INPP5A: variants seen among roughly 807,000 people sequenced by gnomAD.
INPP5A encodes the protein 43 kDa inositol polyphosphate 5-phophatase.
A neutral mutation model predicts 65.2 loss-of-function variants in INPP5A; 14 were observed. The ratio of observed to expected loss-of-function variants is 0.21; its 90% CI spans 0.14 to 0.34. The LOEUF is 0.34. Ranked by LOEUF, INPP5A falls within the 10% of genes least tolerant of loss-of-function variation. The pLI is 1.00. For synonymous variants in INPP5A, 207 were observed against 208.3 expected (o/e 0.99, Z 0.05); for missense variants, 431 against 545.6 (o/e 0.79, Z 2.09).
chr10:132,657,460 GC>G (rs1306056169), intron 4 of INPP5A, among the ~76,000 whole-genome samples: 1 of 152,220 alleles, frequency 6.6e-6, no homozygotes, highest in East Asian at 1.9e-4. Context: ...CTTTGCAAGT[GC>G]TGTGCACGGC....
Position 132,650,398 on chromosome 10 carries a change from A to G in INPP5A, c.219-20A>G, listed in dbSNP as rs777994127. The G allele has an allele frequency of 8.2e-6, 13 of 1,589,998 alleles. No homozygotes were observed. The South Asian group carries it at 1.3e-4, about 16-fold the overall frequency. ...GCGTCTGTGTGGCTTTTCCTCAGGAACCTACTTTCTTCCTTCCAGAGAACT... is the reference window on the plus strand; with the variant it reads ...GCGTCTGTGTGGCTTTTCCTCAGGAGCCTACTTTCTTCCTTCCAGAGAACT... On this transcript the variant is annotated intron_variant, in intron 3 of 15. Transcript: ENST00000368594. This position sits in a 1 kb window ranked among gnomAD's most constrained non-coding sequence, Gnocchi z 5.5.
chr10:132,687,545 C>T (rs138705359), intron 4 of INPP5A, among the ~76,000 whole-genome samples: 1 of 152,344 alleles, frequency 6.6e-6, no homozygotes, highest in Non-Finnish European at 1.5e-5. Context: ...GACCCACCTG[C>T]GAGAGAAGAG....
chr10:132,778,933 C>T (rs1420114848), intron 13 of INPP5A, among the ~76,000 whole-genome samples: 1 of 152,258 alleles, frequency 6.6e-6, no homozygotes, highest in Non-Finnish European at 1.5e-5. Flanking sequence ...CTGCTGGCCT[C>T]TGCCATGTGG....
rs949355200 is a variant in INPP5A, at chr10:132,659,560, A to C, written c.306+9055A>C. Among the ~76,000 whole-genome samples the C allele has an allele frequency of 6.6e-6, 1 of 152,214 alleles. No homozygotes were observed. Among genetic ancestry groups the C allele is most frequent in the Non-Finnish European group, 1.5e-5 (1 of 68,034 alleles). On this transcript the variant is annotated intron_variant, in intron 4 of 15. Coordinates refer to ENST00000368594, the MANE Select transcript of INPP5A (RefSeq NM_005539.5). This position sits in a 1 kb window ranked among gnomAD's most constrained non-coding sequence, Gnocchi z 5.5. ...CAGCGAGCAGCTCCCATGGCAGTCC[A>C]TTCATTCAACATGCCCTGGTCCAGC...
rs529006861 is a variant in INPP5A at position 132,651,133 on chromosome 10, G to A, written c.306+628G>A. Among the ~76,000 whole-genome samples, 86 of 152,288 alleles carry A rather than the reference G, an allele frequency of 5.6e-4. No homozygotes were observed. The highest frequency in any genetic ancestry group is 1.7e-3 in the South Asian group (8 of 4,828). On this transcript the variant is annotated intron_variant, in intron 4 of 15. Transcript: ENST00000368594. This position sits in a 1 kb window ranked among gnomAD's most constrained non-coding sequence, Gnocchi z 5.0. ...CCAGGTGTCTGGGAAGGGGCAGGAA[G>A]CTCCTCAGAGGAGGGGACACTCTGC...
chr10:132,591,571 A>G (rs1212442701), intron 1 of INPP5A, among the ~76,000 whole-genome samples: 2 of 152,192 alleles, frequency 1.3e-5, no homozygotes, highest in African/African-American at 2.4e-5. Context: ...TTGTGAGGTT[A>G]CCTTTTTCCT....
chr10:132,717,877 C>T (rs1212816113), intron 8 of INPP5A, among the ~76,000 whole-genome samples: 11 of 136,944 alleles, frequency 8.0e-5, no homozygotes, highest in African/African-American at 2.4e-4. Flanking sequence ...TCTGTCTGGG[C>T]GCCTTAGACG....
Position 132,645,882 on chromosome 10 carries a change from C to G in INPP5A, c.132C>G (p.His44Gln), listed in dbSNP as rs1405666576. 6.2e-7 allele frequency: 1 copy of G among 1,613,686 alleles called. No individual in the cohort carries two copies. The highest frequency in any genetic ancestry group is 2.2e-5 in the East Asian group (1 of 44,874). Residue 44 changes from histidine to glutamine, a missense_variant, in exon 3 of 16, where the codon CAC (histidine) becomes CAG (glutamine). His to Gln is a conservative substitution (Grantham distance 24). Coordinates refer to ENST00000368594, the MANE Select transcript of INPP5A (RefSeq NM_005539.5). Reference protein sequence around the residue: ...LREFYQVVHTHKPHFMALHCQ... With the variant: ...LREFYQVVHTQKPHFMALHCQ... Reference sequence around the variant, plus strand: ...TCTCCCTCCAGGTCGTGCACACACACAAGCCGCACTTCATGGCCTTGCACT... The same window carrying G: ...TCTCCCTCCAGGTCGTGCACACACAGAAGCCGCACTTCATGGCCTTGCACT...
rs1845362626 is a variant in INPP5A at position 132,697,462 on chromosome 10, A to G, written c.371-354A>G. On this transcript the variant is annotated intron_variant, in intron 5 of 15. Transcript: ENST00000368594. The surrounding 1 kb of genome is among the most constrained non-coding windows in gnomAD (Gnocchi z 5.6). The stretch of plus-strand genomic sequence containing the variant: ...GGGGAGGAAATCGATGTTATTAAAT[A>G]AATTCATGTGAAGGTCTGAGTGAAT... Among the ~76,000 whole-genome samples the G allele has an allele frequency of 6.6e-6, 1 of 152,262 alleles. No individual in the cohort carries two copies.
intron 11 of INPP5A, among the ~76,000 whole-genome samples, chr10:132,761,922 A>C (rs1846740725): frequency 6.6e-6 from 1 of 152,240 alleles, no homozygotes; most frequent in Non-Finnish European, 1.5e-5. Flanking sequence ...GCATGACAGA[A>C]TTAGAAACAT....
chr10:132,644,952 G>A lies in INPP5A; in HGVS notation c.118-916G>A, dbSNP rs2072473959. Among the ~76,000 whole-genome samples the A allele has an allele frequency of 6.6e-6, 1 of 152,148 alleles. No homozygotes were observed. Among genetic ancestry groups the A allele is most frequent in the African/African-American group, 2.4e-5 (1 of 41,432 alleles). Reference sequence around the variant, plus strand: ...GGGGCAGTGGCTGGACTGACAGTGGGAGATAGACGGGGACCTGGAAGGAGG... The same window carrying A: ...GGGGCAGTGGCTGGACTGACAGTGGAAGATAGACGGGGACCTGGAAGGAGG... On this transcript the variant is annotated intron_variant, in intron 2 of 15. Transcript: ENST00000368594. This position sits in a 1 kb window ranked among gnomAD's most constrained non-coding sequence, Gnocchi z 6.5.
intron 1 of INPP5A, among the ~76,000 whole-genome samples, chr10:132,606,657 G>C (rs560102203): frequency 6.3e-4 from 96 of 152,352 alleles, no homozygotes; most frequent in Middle Eastern, 3.4e-3. Context: ...GGAGGAGCGC[G>C]CCTGGTGTGT....
intron 1 of INPP5A, among the ~76,000 whole-genome samples, chr10:132,599,233 A>G (rs955426156): frequency 6.6e-6 from 1 of 152,254 alleles, no homozygotes; most frequent in African/African-American, 2.4e-5. Flanking sequence ...TGTAAAATCA[A>G]AAGCAAGCTA....
At chr10:132,618,270 A>G (rs2072067155) in intron 2 of INPP5A, among the ~76,000 whole-genome samples, 1 of 152,374 alleles carries the variant, frequency 6.6e-6, no homozygotes, top group African/African-American at 2.4e-5. Flanking sequence ...AGCTTCTCCC[A>G]TCAGCAGTAC....
In INPP5A at chr10:132,727,619, C is replaced by T. The variant is rs1389306834; in HGVS notation, c.732+714C>T. The stretch of plus-strand genomic sequence containing the variant: ...ATGACTTGGGATTCCACTTCCCGGG[C>T]AGCTGTGAAGAGGGGGGTGTGGGAA... On this transcript the variant is annotated intron_variant, in intron 9 of 15. Coordinates refer to ENST00000368594, the MANE Select transcript of INPP5A (RefSeq NM_005539.5). This position sits in a 1 kb window ranked among gnomAD's most constrained non-coding sequence, Gnocchi z 6.5. 6.6e-6 allele frequency among the ~76,000 whole-genome samples: 1 copy of T among 152,142 alleles called. No individual in the cohort carries two copies. The highest frequency in any genetic ancestry group is 1.5e-5 in the Non-Finnish European group (1 of 68,014).
intron 1 of INPP5A, among the ~76,000 whole-genome samples, chr10:132,565,784 C>A (rs112803283): frequency 7.4e-6 from 1 of 135,502 alleles, no homozygotes; most frequent in African/African-American, 2.8e-5. Flanking sequence ...TATGTGAATG[C>A]GTGTGAGTAT....
intron 1 of INPP5A, among the ~76,000 whole-genome samples, chr10:132,569,942 G>T (rs188073877): frequency 1.4e-5 from 2 of 145,774 alleles, no homozygotes; most frequent in Non-Finnish European, 3.0e-5. Context: ...GTGAGCCACC[G>T]CACTGGGCCC....
At chr10:132,693,326 C>T (rs1211353178) in intron 5 of INPP5A, among the ~76,000 whole-genome samples, 4 of 152,102 alleles carry the variant, frequency 2.6e-5, no homozygotes, top group South Asian at 2.1e-4. Flanking sequence ...ACTATATCAA[C>T]GATCCCTTTA....
intron 4 of INPP5A, among the ~76,000 whole-genome samples, chr10:132,683,731 G>A (rs952638839): frequency 6.6e-6 from 1 of 152,164 alleles, no homozygotes; most frequent in Non-Finnish European, 1.5e-5. Context: ...GTTTGTTTGA[G>A]ACAAAGTCTC....
Sources: allele counts gnomAD v4.1 joint callset (sites outside exome capture counted in the v4.1 genomes callset), GRCh38; gene constraint gnomAD v4.1.1; non-coding constraint Gnocchi (gnomAD v3.1); transcripts MANE v1.5; gene names NCBI Gene and HGNC (gene_info 2026-07-23, HGNC 2026-07-21).